WASHC3: variants seen among roughly 807,000 people sequenced by gnomAD.
The protein encoded by WASHC3 is WASH complex subunit CCDC53.
WASHC3 carries 24 observed loss-of-function variants against 26.1 expected under a neutral mutation model. The ratio of observed to expected loss-of-function variants is 0.92; its 90% CI spans 0.66 to 1.29. The LOEUF (loss-of-function observed/expected upper bound fraction) is 1.29, where lower values mean the gene tolerates loss of function less well. Ranked by LOEUF, WASHC3 falls within the 50% of genes most tolerant of loss-of-function variation. The pLI is 0.00. For missense variants in WASHC3, 214 were observed against 229.6 expected, an observed-to-expected ratio of 0.93 and a Z score of 0.44; for synonymous variants, 77 against 75.7, an observed-to-expected ratio of 1.02 and a Z score of -0.09.
chr12:102,041,203 A>G (rs565001870), intron 4 of WASHC3, among the ~76,000 whole-genome samples: 108 of 151,990 alleles, frequency 7.1e-4, no homozygotes, highest in Non-Finnish European at 1.1e-3. Context: ...AAATTAAAAC[A>G]ATAACCAAGT....
upstream of WASHC3, chr12:102,062,028 C>G (rs1878837342): frequency 3.6e-6 from 5 of 1,380,950 alleles, no homozygotes; most frequent in South Asian, 2.5e-5. Flanking sequence ...CCGCCCAACC[C>G]GGTAATCACG....
chr12:102,017,528 A>G (rs1477877531), intron 6 of WASHC3, among the ~76,000 whole-genome samples: 1 of 152,226 alleles, frequency 6.6e-6, no homozygotes, highest in Admixed American at 6.5e-5. Flanking sequence ...TGGGTAAAGA[A>G]TAAAATGGGA....
intron 5 of WASHC3, among the ~76,000 whole-genome samples, chr12:102,036,296 A>G (rs532455804): frequency 7.1e-6 from 1 of 141,498 alleles, no homozygotes; most frequent in South Asian, 2.3e-4. Context: ...TGGGAGGCAG[A>G]GGTTGCAGTG....
At chr12:102,055,868 A>G (rs1460610480) in intron 2 of WASHC3, among the ~76,000 whole-genome samples, 4 of 152,172 alleles carry the variant, frequency 2.6e-5, no homozygotes, top group Non-Finnish European at 2.9e-5. Context: ...CATTATTTAA[A>G]ATAGTTTTTT....
At chr12:102,033,127 G>A (rs952432474) in intron 5 of WASHC3, among the ~76,000 whole-genome samples, 63 of 151,300 alleles carry the variant, frequency 4.2e-4, no homozygotes, top group African/African-American at 1.5e-3. Context: ...CATTCCAGGC[G>A]ATAGTTAGTA....
At chr12:102,043,458 A>G (rs1229563511) in intron 4 of WASHC3, among the ~76,000 whole-genome samples, 1 of 151,870 alleles carries the variant, frequency 6.6e-6, no homozygotes, top group Non-Finnish European at 1.5e-5. Flanking sequence ...TAGTGGAGAT[A>G]GGGTTTTACC....
At chr12:102,048,273 G>GT (rs1209668283) in intron 2 of WASHC3, 5 of 151,214 alleles carry the variant, frequency 3.3e-5, no homozygotes. Context: ...TAAAAACATA[G>GT]TTAAAAAAAA....
At chr12:102,027,808 A>G (rs1030179853) in intron 5 of WASHC3, among the ~76,000 whole-genome samples, 2 of 152,172 alleles carry the variant, frequency 1.3e-5, no homozygotes, top group African/African-American at 4.8e-5. Flanking sequence ...TTGCAGGCCC[A>G]TTTATATACT....
intron 5 of WASHC3, among the ~76,000 whole-genome samples, chr12:102,038,095 C>T (rs887879842): frequency 1.3e-5 from 2 of 151,880 alleles, no homozygotes; most frequent in Non-Finnish European, 2.9e-5. Context: ...ATGCCCGGCC[C>T]GGGTCATTTA....
intron 5 of WASHC3, among the ~76,000 whole-genome samples, chr12:102,032,386 C>G (rs545191502): frequency 1.6e-4 from 25 of 152,232 alleles, no homozygotes; most frequent in Admixed American, 4.6e-4. Context: ...GCAGAGGATT[C>G]ACCATGATCT....
chr12:102,047,155 C>T (rs971944397), intron 2 of WASHC3, among the ~76,000 whole-genome samples: 1 of 152,290 alleles, frequency 6.6e-6, no homozygotes, highest in East Asian at 1.9e-4. Flanking sequence ...AGAACATTTA[C>T]TTGAAACCTC....
At chr12:102,026,447 G>A (rs931989248) in intron 5 of WASHC3, among the ~76,000 whole-genome samples, 1 of 152,102 alleles carries the variant, frequency 6.6e-6, no homozygotes, top group African/African-American at 2.4e-5. Context: ...CCATTCTTAA[G>A]TATAGCTATA....
intron 5 of WASHC3, among the ~76,000 whole-genome samples, chr12:102,038,369 A>G (rs1877766380): frequency 6.6e-6 from 1 of 152,230 alleles, no homozygotes; most frequent in South Asian, 2.1e-4. Flanking sequence ...CCTAAGATGC[A>G]GCCTTCATAA....
At chr12:102,060,474 T>A (rs1878759554) in intron 2 of WASHC3, among the ~76,000 whole-genome samples, 1 of 152,206 alleles carries the variant, frequency 6.6e-6, no homozygotes, top group South Asian at 2.1e-4. Flanking sequence ...GGGTACTTAA[T>A]CCTTACATCA....
intron 2 of WASHC3, among the ~76,000 whole-genome samples, chr12:102,053,270 T>C (rs893315606): frequency 6.6e-6 from 1 of 151,540 alleles, no homozygotes; most frequent in African/African-American, 2.4e-5. Context: ...AGGCTTCAAG[T>C]TGGAACCCTA....
Position 102,042,446 on chromosome 12 carries a change from T to C in WASHC3, c.324+1659A>G, listed in dbSNP as rs567980817. ...AATACAGGTACTGAAAACAGTGTAG[T>C]GTAGTGTAGTATAGTGTAGTGAAGC... On this transcript the variant is annotated intron_variant, in intron 4 of 6. Transcript: ENST00000240079. Among the ~76,000 whole-genome samples, 8 of 152,212 alleles carry C rather than the reference T, an allele frequency of 5.3e-5. No homozygotes were observed. In the East Asian group the frequency reaches 1.5e-3, roughly 29 times the overall value.
chr12:102,037,958 G>C (rs1215869969), intron 5 of WASHC3, among the ~76,000 whole-genome samples: 1 of 152,000 alleles, frequency 6.6e-6, no homozygotes, highest in African/African-American at 2.4e-5. Flanking sequence ...ACCATGACCA[G>C]CTAATTTTGT....
At chr12:102,052,117 G>A (rs1279871739) in intron 2 of WASHC3, among the ~76,000 whole-genome samples, 1 of 152,192 alleles carries the variant, frequency 6.6e-6, no homozygotes, top group Non-Finnish European at 1.5e-5. Context: ...ATTCTCAAGA[G>A]CTAAGGAGAC....
At chr12:102,052,679 C>G (rs908022933) in intron 2 of WASHC3, among the ~76,000 whole-genome samples, 1 of 152,096 alleles carries the variant, frequency 6.6e-6, no homozygotes, top group Non-Finnish European at 1.5e-5. Context: ...CTGACCAGTG[C>G]CAAGTCAGCT....
Sources: gnomAD v4.1 joint callset for allele counts (sites outside exome capture counted in the v4.1 genomes callset) on GRCh38, gnomAD v4.1.1 for gene constraint, MANE v1.5 for transcripts, NCBI Gene and HGNC (gene_info 2026-07-23, HGNC 2026-07-21) for gene names.